The following MAPK10 variants were observed in gnomAD, a reference collection of about 807,000 sequenced individuals.
MAPK10 encodes the protein JNK3 alpha protein kinase.
Under a neutral mutation model 59.3 loss-of-function variants are expected in MAPK10, and 25 were observed. That is an observed-to-expected ratio of 0.42 (90% CI 0.31 to 0.59). The LOEUF (loss-of-function observed/expected upper bound fraction) is 0.59, where lower values mean the gene tolerates loss of function less well. Among genes scored for constraint, MAPK10 ranks in the 20% least tolerant of loss-of-function variants. MAPK10 has a pLI of 0.15. For missense variants in MAPK10, 351 were observed against 568.9 expected, an observed-to-expected ratio of 0.62 and a Z score of 3.90; for synonymous variants, 190 against 200.5, an observed-to-expected ratio of 0.95 and a Z score of 0.44.
intron 1 of MAPK10, among the ~76,000 whole-genome samples, chr4:86,403,957 C>T (rs1232740580): frequency 6.6e-6 from 1 of 152,146 alleles, no homozygotes; most frequent in Non-Finnish European, 1.5e-5. Context: ...TCTCCCCCTT[C>T]CGATCTCCTT....
chr4:86,466,509 T>C (rs1279114953), intron 1 of MAPK10, among the ~76,000 whole-genome samples: 2 of 152,228 alleles, frequency 1.3e-5, no homozygotes, highest in Admixed American at 1.3e-4. Flanking sequence ...CTTTAATTTC[T>C]CTAGTGCCAC....
At chr4:86,513,199 C>A (rs1170194908) in intron 1 of MAPK10, among the ~76,000 whole-genome samples, 1 of 152,064 alleles carries the variant, frequency 6.6e-6, no homozygotes, top group African/African-American at 2.4e-5. Context: ...AGGCACATAC[C>A]ACTATGCTCA....
Position 86,430,027 on chromosome 4 carries a change from G to A in MAPK10, c.-122+23003C>T, listed in dbSNP as rs143525292. ...GGTTGGGAGAGTATCGATAAGAAAT[G>A]GCAAGTCTCTTTTAAGAATTATTTG... On this transcript the variant is annotated intron_variant, in intron 1 of 13. Coordinates refer to the MAPK10 transcript ENST00000361569. Among the ~76,000 whole-genome samples the A allele has an allele frequency of 4.6e-5, 7 of 152,020 alleles. No individual in the cohort carries two copies. The East Asian group carries it at 1.4e-3, about 29-fold the overall frequency.
chr4:86,074,460 C>T (rs1235451385), intron 9 of MAPK10, among the ~76,000 whole-genome samples: 2 of 149,622 alleles, frequency 1.3e-5, no homozygotes, highest in Admixed American at 6.6e-5. Context: ...TGATTTTGCT[C>T]GTTAGTTGAT....
intron 1 of MAPK10, among the ~76,000 whole-genome samples, chr4:86,409,445 T>G (rs150097628): frequency 0.19 from 28,527 of 152,118 alleles, 2,771 homozygotes; most frequent in South Asian, 0.28. Context: ...AAGAAAGTCA[T>G]TGGTAGCTTG....
At chr4:86,066,878 T>C (rs906501922) in intron 10 of MAPK10, among the ~76,000 whole-genome samples, 13 of 151,674 alleles carry the variant, frequency 8.6e-5, no homozygotes, top group Non-Finnish European at 1.5e-5. Flanking sequence ...GGAAACAATA[T>C]GGGAAAATGT....
chr4:86,043,456 A>T lies in MAPK10; in HGVS notation c.1111-12025T>A, dbSNP rs1485782805. ...GAGAAAGCAGTGTCAATGTTTAAAA[A>T]GTGAACTGGAGTAATTGTGAGTAAA... On this transcript the variant is annotated intron_variant, in intron 11 of 13. Transcript: ENST00000641462. Among the ~76,000 whole-genome samples the T allele has an allele frequency of 2.0e-5, 3 of 152,344 alleles. No homozygotes were observed. In the East Asian group the frequency reaches 5.8e-4, roughly 29 times the overall value.
At position 86,368,606 on chromosome 4, in the gene MAPK10, A is replaced by T. The variant is rs546929165; in HGVS notation, c.-121-13962T>A. 3.3e-5 allele frequency among the ~76,000 whole-genome samples: 5 copies of T among 152,322 alleles called. No individual in the cohort carries two copies. The South Asian group carries it at 1.0e-3, about 32-fold the overall frequency. ...TAGAATTCAACGGTACTTTGAACCA[A>T]CTGTTATTAAGCTTATAAAAGTACG... is the stretch of plus-strand genomic sequence containing the variant. On this transcript the variant is annotated intron_variant, in intron 1 of 13. Transcript: ENST00000361569.
intron 3 of MAPK10, chr4:86,160,298 A>G (rs1288071604): frequency 6.6e-6 from 1 of 151,992 alleles, no homozygotes; most frequent in Admixed American, 6.6e-5. Flanking sequence ...TGACATAAAT[A>G]GTAAGAATTC....
intron 2 of MAPK10, among the ~76,000 whole-genome samples, chr4:86,254,700 G>C (rs2093624016): frequency 6.9e-6 from 1 of 145,796 alleles, no homozygotes; most frequent in Non-Finnish European, 1.5e-5. Flanking sequence ...TCCGCTTGGT[G>C]CAGAGCTGAG....
chr4:86,213,681 T>C (rs2086512770), intron 2 of MAPK10, among the ~76,000 whole-genome samples: 1 of 152,024 alleles, frequency 6.6e-6, no homozygotes, highest in South Asian at 2.1e-4. Context: ...ACACAAAATC[T>C]GAATAGACCT....
chr4:86,554,777 T>C (rs954942763), intron 1 of MAPK10, among the ~76,000 whole-genome samples: 1 of 152,188 alleles, frequency 6.6e-6, no homozygotes, highest in Non-Finnish European at 1.5e-5. Context: ...CAATTTCCCC[T>C]GATTTTCCAC....
intron 9 of MAPK10, chr4:86,080,951 C>G (rs986151314): frequency 6.6e-5 from 10 of 151,826 alleles, no homozygotes; most frequent in African/African-American, 2.2e-4. Flanking sequence ...AGCAATGGTG[C>G]ATTAAGAGTC....
chr4:86,317,502 A>G (rs2095811647), intron 2 of MAPK10, among the ~76,000 whole-genome samples: 1 of 152,166 alleles, frequency 6.6e-6, no homozygotes, highest in South Asian at 2.1e-4. Flanking sequence ...CATATTATCT[A>G]TTGATTATGC....
intron 1 of MAPK10, among the ~76,000 whole-genome samples, chr4:86,369,111 G>A (rs574670112): frequency 5.3e-5 from 8 of 152,246 alleles, no homozygotes; most frequent in African/African-American, 1.9e-4. Context: ...CTACATTTGA[G>A]TTTGGTCTGG....
At chr4:86,391,642 T>C (rs942717371) in intron 1 of MAPK10, among the ~76,000 whole-genome samples, 2 of 152,146 alleles carry the variant, frequency 1.3e-5, no homozygotes, top group Admixed American at 1.3e-4. Context: ...GAATCCTTCA[T>C]CTAGGACATG....
chr4:86,417,322 T>A (rs1375657512), intron 1 of MAPK10, among the ~76,000 whole-genome samples: 1 of 152,216 alleles, frequency 6.6e-6, no homozygotes, highest in African/African-American at 2.4e-5. Context: ...TCAGTTTTTT[T>A]ATTGATATTG....
intron 2 of MAPK10, among the ~76,000 whole-genome samples, chr4:86,225,419 A>G (rs928162301): frequency 6.6e-6 from 1 of 152,180 alleles, no homozygotes; most frequent in African/African-American, 2.4e-5. Flanking sequence ...TTGCTGTAGG[A>G]AATGGGCAAG....
At chr4:86,045,647 GA>G (rs1193578870) in intron 11 of MAPK10, among the ~76,000 whole-genome samples, 1 of 151,788 alleles carries the variant, frequency 6.6e-6, no homozygotes, top group African/African-American at 2.4e-5. Context: ...TTCACCCTAG[GA>G]TAGCATGCAT....
Sources: allele counts gnomAD v4.1 joint callset (sites outside exome capture counted in the v4.1 genomes callset), GRCh38; gene constraint gnomAD v4.1.1; transcripts MANE v1.5; gene names NCBI Gene and HGNC (gene_info 2026-07-23, HGNC 2026-07-21).